SYNE1: variants seen among roughly 807,000 people sequenced by gnomAD.
The protein encoded by SYNE1 is spectrin repeat containing nuclear envelope protein 1.
In SYNE1, 616 loss-of-function variants were observed where a neutral mutation model predicts 1,111.0. That is an observed-to-expected ratio of 0.55 (90% CI 0.52 to 0.59). The LOEUF is 0.59. SYNE1 is among the 20% of genes least tolerant of loss of function. SYNE1 has a pLI of 0.00. For missense variants in SYNE1, 10,006 were observed against 10,417.0 expected (o/e 0.96, Z 1.72); for synonymous variants, 3,855 against 3,825.8 (o/e 1.01, Z -0.28).
At chr6:152,170,826 A>C (rs1248957939) in intron 130 of SYNE1, among the ~76,000 whole-genome samples, 2 of 152,194 alleles carry the variant, frequency 1.3e-5, no homozygotes, top group African/African-American at 4.8e-5. Flanking sequence ...TCACTACCCA[A>C]ATCTCATCTT....
chr6:152,274,659 T>C lies in SYNE1; in HGVS notation c.18573+3430A>G, dbSNP rs549660066. Among the ~76,000 whole-genome samples the C allele has an allele frequency of 2.0e-5, 3 of 152,210 alleles. No homozygotes were observed. In the South Asian group the frequency reaches 6.2e-4, roughly 32 times the overall value. On this transcript the variant is annotated intron_variant, in intron 98 of 145. Coordinates refer to ENST00000367255, the MANE Select transcript of SYNE1 (RefSeq NM_182961.4). ...TTGCCCAGGCTGGAGTGCAATGGCG[T>C]GATCTCGGCTCACTGCAACCTCTGC...
intron 5 of SYNE1, among the ~76,000 whole-genome samples, chr6:152,524,290 C>T (rs1294947393): frequency 1.3e-5 from 2 of 152,124 alleles, no homozygotes; most frequent in Admixed American, 1.3e-4. Flanking sequence ...GCTTTTTCTA[C>T]ACTTATTGAG....
intron 3 of SYNE1, among the ~76,000 whole-genome samples, chr6:152,596,533 G>T (rs1221537479): frequency 6.6e-6 from 1 of 152,154 alleles, no homozygotes; most frequent in Non-Finnish European, 1.5e-5. Context: ...TGGGATTACA[G>T]GAGTGAGCCA....
intron 6 of SYNE1, among the ~76,000 whole-genome samples, chr6:152,517,507 A>G (rs987969917): frequency 1.3e-5 from 2 of 152,222 alleles, no homozygotes; most frequent in Non-Finnish European, 2.9e-5. Context: ...TACACCTCCA[A>G]TTATATGGAA....
intron 117 of SYNE1, 89 bp downstream of exon 117, chr6:152,224,405 A>T (rs2080972337): frequency 6.3e-6 from 7 of 1,117,480 alleles, no homozygotes; most frequent in African/African-American, 3.1e-5. Context: ...AACATATGGC[A>T]ATATTTCAGG....
In SYNE1 at chr6:152,139,969, A is replaced by T. The variant is rs2152799197; in HGVS notation, c.25439T>A (p.Leu8480His). 2 of 1,613,696 alleles carry T rather than the reference A, an allele frequency of 1.2e-6. No homozygotes were observed. The highest frequency in any genetic ancestry group is 1.7e-5 in the Admixed American group (1 of 60,000). Residue 8480 changes from leucine (L) to histidine (H), a missense_variant, in exon 140 of 146, where the codon CTC (leucine) becomes CAC (histidine). Around this residue, in one of 7 missense-constraint regions of SYNE1, gnomAD observed 761 missense variants for 795.5 expected, o/e 0.96. Coordinates refer to ENST00000367255, the MANE Select transcript of SYNE1 (RefSeq NM_182961.4). ...AGCTACCTTGAGCTTTTTGATCTGGAGCTCGATGGTCTGGATGTCAGTGCT... is the reference window on the plus strand; with the variant it reads ...AGCTACCTTGAGCTTTTTGATCTGGTGCTCGATGGTCTGGATGTCAGTGCT... ...ELSTDIQTIELQIKKLKELQK... is the reference protein window; with the variant it reads ...ELSTDIQTIEHQIKKLKELQK...
intron 8 of SYNE1, among the ~76,000 whole-genome samples, 189 bp downstream of exon 8, chr6:152,510,004 A>G (rs1275097010): frequency 1.3e-5 from 2 of 152,240 alleles, no homozygotes; most frequent in East Asian, 3.8e-4. Flanking sequence ...ATTTTTTAAG[A>G]GCATTTTCCT....
At chr6:152,418,969 A>G (rs964065962) in intron 40 of SYNE1, among the ~76,000 whole-genome samples, 1 of 152,128 alleles carries the variant, frequency 6.6e-6, no homozygotes, top group Non-Finnish European at 1.5e-5. Flanking sequence ...TAACATAAAA[A>G]CTTTAGTCAT....
intron 101 of SYNE1, among the ~76,000 whole-genome samples, chr6:152,261,022 T>C (rs1016307532): frequency 1.3e-5 from 2 of 152,312 alleles, no homozygotes; most frequent in African/African-American, 4.8e-5. Flanking sequence ...AGGTTGCGCC[T>C]GCTTTCTAAT....
At chr6:152,538,752 C>T (rs887182662) in intron 4 of SYNE1, among the ~76,000 whole-genome samples, 3 of 152,090 alleles carry the variant, frequency 2.0e-5, no homozygotes, top group South Asian at 2.1e-4. Flanking sequence ...GTATCCACTG[C>T]CTTTTTACAG....
At chr6:152,224,934 T>G (rs1293197144) in intron 116 of SYNE1, among the ~76,000 whole-genome samples, 1 of 147,326 alleles carries the variant, frequency 6.8e-6, no homozygotes, top group Non-Finnish European at 1.5e-5. Context: ...TATACATATA[T>G]ACATATGTAT....
In SYNE1 at chr6:152,485,008, G is replaced by A; in HGVS notation, c.1048-36C>T. 3 of 1,601,832 alleles carry A rather than the reference G, an allele frequency of 1.9e-6. No homozygotes were observed. In the African/African-American group the frequency reaches 4.0e-5, roughly 21 times the overall value. ...AAAAACAGCAACAGTATGGCAATGA[G>A]TCAAAAAAAGCAAAAGCAAAGGAAA... On this transcript the variant is annotated intron_variant, in intron 12 of 145. Transcript: ENST00000367255.
rs1415812565 is a variant in SYNE1, at chr6:152,330,858, A to C, written c.13827T>G (p.Leu4609=). The C allele has an allele frequency of 1.2e-6, 2 of 1,614,080 alleles. No homozygotes were observed. Among genetic ancestry groups the C allele is most frequent in the Admixed American group, 3.3e-5 (2 of 60,008 alleles). Residue 4609 remains leucine, a synonymous_variant, in exon 78 of 146, where the codon CTT becomes CTG. Coordinates refer to ENST00000367255, the MANE Select transcript of SYNE1 (RefSeq NM_182961.4). ...GATTTTCATATTCTGGAGATTGTTC[A>C]AGAATGTTTTGGTATTTAGCCAGTT... is the stretch of plus-strand genomic sequence containing the variant. The part of the protein sequence containing the change: ...HTQLAKYQNI[L]EQSPEYENLL...
chr6:152,488,749 C>T (rs1041256145), intron 11 of SYNE1, among the ~76,000 whole-genome samples: 2 of 151,072 alleles, frequency 1.3e-5, no homozygotes, highest in African/African-American at 4.9e-5. Flanking sequence ...CCAAGTAACG[C>T]TAATTTAATA....
At chr6:152,124,179 G>A (rs1331910349) in intron 145 of SYNE1, among the ~76,000 whole-genome samples, 1 of 152,102 alleles carries the variant, frequency 6.6e-6, no homozygotes, top group East Asian at 1.9e-4. Context: ...GGTGGCGTGT[G>A]CCTGTAGTCC....
chr6:152,411,989 G>A lies in SYNE1; in HGVS notation c.6230+1363C>T, dbSNP rs143499408. 1.6e-3 allele frequency among the ~76,000 whole-genome samples: 236 copies of A among 152,104 alleles called. 2 individuals carry two copies. The highest frequency in any genetic ancestry group is 5.4e-3 in the African/African-American group (226 of 41,472). On this transcript the variant is annotated intron_variant, in intron 42 of 145. Transcript: ENST00000367255. ...TTACCCAAATGAAATAAAAACTTACGTACATGCAAAAACTTGAATGTGAAT... is the reference window on the plus strand; with the variant it reads ...TTACCCAAATGAAATAAAAACTTACATACATGCAAAAACTTGAATGTGAAT...
intron 3 of SYNE1, among the ~76,000 whole-genome samples, chr6:152,584,618 G>A (rs77609808): frequency 0.019 from 2,946 of 152,056 alleles, 94 homozygotes; most frequent in African/African-American, 0.067. Context: ...TGCCCAGGCT[G>A]CTCTACACTT....
intron 137 of SYNE1, 166 bp from the exon 138 acceptor site, chr6:152,143,931 C>T (rs1430033465): frequency 4.0e-6 from 4 of 994,340 alleles, no homozygotes; most frequent in South Asian, 1.5e-5. Flanking sequence ...GTGGGTTAGA[C>T]ATTAAAATGG....
At chr6:152,597,299 C>T (rs1387924770) in intron 3 of SYNE1, among the ~76,000 whole-genome samples, 3 of 152,124 alleles carry the variant, frequency 2.0e-5, no homozygotes, top group Non-Finnish European at 4.4e-5. Context: ...TTCTTAGATA[C>T]AGTGTCTCAC....
Sources: gnomAD v4.1 joint callset for allele counts (sites outside exome capture counted in the v4.1 genomes callset) on GRCh38, gnomAD v4.1.1 for gene constraint, gnomAD v4.1.1 regional missense constraint, MANE v1.5 for transcripts, NCBI Gene and HGNC (gene_info 2026-07-23, HGNC 2026-07-21) for gene names.